RIPOR3: variants seen among roughly 807,000 people sequenced by gnomAD.
RIPOR3 encodes the protein family with sequence similarity 65 member C.
In RIPOR3, 95 loss-of-function variants were observed where a neutral mutation model predicts 114.3. The ratio of observed to expected loss-of-function variants is 0.83; its 90% CI spans 0.70 to 0.99. The LOEUF (loss-of-function observed/expected upper bound fraction) is 0.99, where lower values mean the gene tolerates loss of function less well. RIPOR3 is among the 50% of genes least tolerant of loss of function. The pLI is 0.00. For synonymous variants in RIPOR3, 575 were observed against 543.8 expected (o/e 1.06, Z -0.80); for missense variants, 1,252 against 1,266.9 (o/e 0.99, Z 0.18).
intron 3 of RIPOR3, among the ~76,000 whole-genome samples, chr20:50,616,959 A>G (rs1043400794): frequency 2.6e-5 from 4 of 152,122 alleles, no homozygotes; most frequent in African/African-American, 7.2e-5. Flanking sequence ...TGGCTAACAC[A>G]GTGAAACCCC....
Position 50,597,719 on chromosome 20 carries a change from G to A in RIPOR3, c.1660-9C>T, listed in dbSNP as rs370087822. 300 of 1,611,432 alleles carry A rather than the reference G, an allele frequency of 1.9e-4. No homozygotes were observed. Among genetic ancestry groups the A allele is most frequent in the East Asian group, 2.5e-4 (11 of 44,754 alleles). On this transcript the variant is annotated splice_polypyrimidine_tract_variant and intron_variant, in intron 13 of 21. Coordinates refer to ENST00000327979, the MANE Select transcript of RIPOR3 (RefSeq NM_001290268.2). ...TGCCGTGCTCTGCAGGGCTGTGGACGAAGTGGCCAGACCTGAGGGCAACAC... is the reference window on the plus strand; with the variant it reads ...TGCCGTGCTCTGCAGGGCTGTGGACAAAGTGGCCAGACCTGAGGGCAACAC...
At chr20:50,666,206 T>TCCTTTCCTTTCCTTTCCTTTCCATC (rs1334166055) in intron 1 of RIPOR3, among the ~76,000 whole-genome samples, 1 of 118,904 alleles carries the variant, frequency 8.4e-6, no homozygotes, top group African/African-American at 3.4e-5. Flanking sequence ...TCTTTTCTTT[T>TCCTTTCCTTTCCTTTCCTTTCCATC]CTTTTCTTTT....
At chr20:50,690,287 C>G (rs568167250) in intron 1 of RIPOR3, among the ~76,000 whole-genome samples, 1 of 152,330 alleles carries the variant, frequency 6.6e-6, no homozygotes, top group South Asian at 2.1e-4. Flanking sequence ...CTGCCCCCAG[C>G]TCTCTCCACC....
chr20:50,671,426 GCGCACACACA>G lies in RIPOR3; in HGVS notation c.3+19690_3+19699del, dbSNP rs1438529495. ...TGAGCACGCGCGCGTGCACGCGCGC[GCGCACACACA>G]CACACACACACACACACACACACAT... On this transcript the variant is annotated intron_variant, in intron 1 of 21. Coordinates refer to ENST00000327979, the MANE Select transcript of RIPOR3 (RefSeq NM_001290268.2). Among the ~76,000 whole-genome samples, 685 of 112,584 alleles carry G rather than the reference GCGCACACACA, an allele frequency of 6.1e-3. 3 individuals carry two copies. The highest frequency in any genetic ancestry group is 0.011 in the South Asian group (44 of 3,954). 73.9% of individuals were successfully genotyped at this position (112,584 alleles called of 152,430 possible).
intron 1 of RIPOR3, among the ~76,000 whole-genome samples, chr20:50,685,322 T>C (rs1004568829): frequency 1.3e-5 from 2 of 150,550 alleles, no homozygotes; most frequent in Non-Finnish European, 2.9e-5. Flanking sequence ...GTTCAAGCGA[T>C]TCTCCTGCCT....
intron 1 of RIPOR3, among the ~76,000 whole-genome samples, chr20:50,634,538 A>G (rs912769583): frequency 1.3e-5 from 2 of 152,168 alleles, no homozygotes; most frequent in Non-Finnish European, 2.9e-5. Context: ...CCCTGCAGGC[A>G]GGGACCAGGT....
chr20:50,604,315 C>G (rs1014363301), intron 12 of RIPOR3, among the ~76,000 whole-genome samples: 8 of 152,120 alleles, frequency 5.3e-5, no homozygotes, highest in Non-Finnish European at 1.0e-4. Context: ...CCATGGAGAT[C>G]AACAGGAAAG....
intron 1 of RIPOR3, among the ~76,000 whole-genome samples, chr20:50,671,150 G>C (rs907160455): frequency 6.6e-6 from 1 of 151,974 alleles, no homozygotes; most frequent in Non-Finnish European, 1.5e-5. Flanking sequence ...GTTGTTTAGG[G>C]TTATTTTTAG....
At position 50,608,595 on chromosome 20, in the gene RIPOR3, CCCGGGCCCCATCCCCA is replaced by C. The variant is rs2083817488; in HGVS notation, c.810+2_810+17del. On this transcript the variant is annotated splice_donor_variant and splice_donor_5th_base_variant and intron_variant, in intron 10 of 21. Transcript: ENST00000327979. LOFTEE classifies it high-confidence loss of function. ...AACACCCAGGCACCCCAGCCCTGCC[CCCGGGCCCCATCCCCA>C]CCTTGATGTCCAGGTTCTCATGCAG... 1 of 1,613,848 alleles carries C rather than the reference CCCGGGCCCCATCCCCA, an allele frequency of 6.2e-7. No homozygotes were observed. Among genetic ancestry groups the C allele is most frequent in the Non-Finnish European group, 8.5e-7 (1 of 1,179,840 alleles).
At chr20:50,684,476 G>C (rs1164836702) in intron 1 of RIPOR3, among the ~76,000 whole-genome samples, 1 of 152,228 alleles carries the variant, frequency 6.6e-6, no homozygotes, top group Non-Finnish European at 1.5e-5. Context: ...CAGGCCTTGT[G>C]GGCCGTGATG....
intron 1 of RIPOR3, among the ~76,000 whole-genome samples, chr20:50,665,567 C>T (rs2086162301): frequency 6.6e-6 from 1 of 151,710 alleles, no homozygotes; most frequent in South Asian, 2.1e-4. Context: ...ATTACAGGCA[C>T]GCACCACGAC....
intron 1 of RIPOR3, among the ~76,000 whole-genome samples, chr20:50,690,781 G>A (rs1165447515): frequency 6.6e-6 from 1 of 152,144 alleles, no homozygotes; most frequent in African/African-American, 2.4e-5. Flanking sequence ...GGCTTACCGG[G>A]ATTTCCCGAG....
intron 1 of RIPOR3, among the ~76,000 whole-genome samples, chr20:50,685,802 A>G (rs1456319239): frequency 7.6e-6 from 1 of 131,916 alleles, no homozygotes; most frequent in Non-Finnish European, 1.6e-5. Flanking sequence ...CCTGGGTGAC[A>G]GAACGAGACT....
chr20:50,591,911 A>G (rs761737563), intron 19 of RIPOR3, among the ~76,000 whole-genome samples: 14 of 152,188 alleles, frequency 9.2e-5, no homozygotes, highest in Non-Finnish European at 7.3e-5. Context: ...CCTGGCCAAC[A>G]TGGTGAAACC....
chr20:50,687,033 T>C (rs2123645603), intron 1 of RIPOR3, among the ~76,000 whole-genome samples: 1 of 152,342 alleles, frequency 6.6e-6, no homozygotes, highest in African/African-American at 2.4e-5. Context: ...TAGGTTTGGC[T>C]TAGCCGTTCC....
At chr20:50,625,217 T>C (rs1214096733) in intron 2 of RIPOR3, among the ~76,000 whole-genome samples, 1 of 151,948 alleles carries the variant, frequency 6.6e-6, no homozygotes, top group Non-Finnish European at 1.5e-5. Context: ...ACCACAGGAG[T>C]GCACAATTAC....
intron 19 of RIPOR3, 136 bp from the exon 20 acceptor site, chr20:50,589,905 C>G: frequency 2.8e-6 from 2 of 716,264 alleles, no homozygotes; most frequent in Non-Finnish European, 2.5e-6. Context: ...AGGACACGAT[C>G]GGTCCATCTT....
chr20:50,656,449 G>T (rs1232874979), intron 1 of RIPOR3, among the ~76,000 whole-genome samples: 2 of 152,138 alleles, frequency 1.3e-5, no homozygotes, highest in African/African-American at 2.4e-5. Flanking sequence ...AATGCAAATG[G>T]TACCTATTTT....
intron 1 of RIPOR3, among the ~76,000 whole-genome samples, chr20:50,686,325 G>A (rs191006560): frequency 6.6e-6 from 1 of 152,136 alleles, no homozygotes; most frequent in African/African-American, 2.4e-5. Flanking sequence ...CAGAGTGCTG[G>A]GATTACAGGT....
Sources: allele counts gnomAD v4.1 joint callset (sites outside exome capture counted in the v4.1 genomes callset), GRCh38; gene constraint gnomAD v4.1.1; transcripts MANE v1.5; gene names NCBI Gene and HGNC (gene_info 2026-07-23, HGNC 2026-07-21).